KIF26B: variants seen among roughly 807,000 people sequenced by gnomAD.
The protein encoded by KIF26B is kinesin family member 26B.
A neutral mutation model predicts 151.2 loss-of-function variants in KIF26B; 63 were observed. That is an observed-to-expected ratio of 0.42 (90% CI 0.34 to 0.51). The LOEUF is 0.51. Among genes scored for constraint, KIF26B ranks in the 20% least tolerant of loss-of-function variants. The pLI is 0.07. For synonymous variants in KIF26B, 1,357 were observed against 1,262.1 expected (o/e 1.08, Z -1.59); for missense variants, 2,813 against 2,913.6 (o/e 0.97, Z 0.79).
rs1187521069 is a variant in KIF26B, at chr1:245,597,209, GT to G, written c.1351-5362del. 3.2e-4 allele frequency among the ~76,000 whole-genome samples: 49 copies of G among 152,320 alleles called. No individual in the cohort carries two copies. The highest frequency in any genetic ancestry group is 6.6e-4 in the Non-Finnish European group (45 of 68,030). ...GTTATTTTTCCCATTAGTCGATGCAGTTTTTTCATAGCATGAATGGTCTTTA... is the reference window on the plus strand; with the variant it reads ...GTTATTTTTCCCATTAGTCGATGCAGTTTTTCATAGCATGAATGGTCTTTA... On this transcript the variant is annotated intron_variant, in intron 5 of 14. Coordinates refer to ENST00000407071, the MANE Select transcript of KIF26B (RefSeq NM_018012.4). This position sits in a 1 kb window ranked among gnomAD's most constrained non-coding sequence, Gnocchi z 4.6.
intron 2 of KIF26B, among the ~76,000 whole-genome samples, chr1:245,336,077 AAAG>A (rs1221605104): frequency 7.7e-5 from 10 of 130,652 alleles, no homozygotes; most frequent in African/African-American, 3.0e-4. Context: ...CCACGCAGGG[AAAG>A]GAGGGTCCCA....
chr1:245,242,954 G>A (rs1010524882), intron 2 of KIF26B, among the ~76,000 whole-genome samples: 1 of 152,136 alleles, frequency 6.6e-6, no homozygotes, highest in Non-Finnish European at 1.5e-5. Context: ...CCAGCCATAT[G>A]TGGTTTATTT....
rs1420386685 is a variant in KIF26B at position 245,227,736 on chromosome 1, C to T, written c.465+71053C>T. Among the ~76,000 whole-genome samples, 2 of 151,866 alleles carry T rather than the reference C, an allele frequency of 1.3e-5. No homozygotes were observed. The highest frequency in any genetic ancestry group is 2.4e-5 in the African/African-American group (1 of 41,322). Reference sequence around the variant, plus strand: ...CACTCTGAGGCTGGGTGTGGTGGCTCACGCCTGTGATTCCAGCACTTTAGG... The same window carrying T: ...CACTCTGAGGCTGGGTGTGGTGGCTTACGCCTGTGATTCCAGCACTTTAGG... On this transcript the variant is annotated intron_variant, in intron 2 of 14. Transcript: ENST00000407071. The surrounding 1 kb of genome is among the most constrained non-coding windows in gnomAD (Gnocchi z 4.1).
intron 5 of KIF26B, among the ~76,000 whole-genome samples, chr1:245,595,627 T>A (rs907526745): frequency 6.6e-6 from 1 of 152,176 alleles, no homozygotes; most frequent in Non-Finnish European, 1.5e-5. Flanking sequence ...ATTTTCTTTT[T>A]TTGTTGTGTC....
chr1:245,576,021 T>G (rs1181475084), intron 5 of KIF26B, among the ~76,000 whole-genome samples: 1 of 152,178 alleles, frequency 6.6e-6, no homozygotes, highest in Non-Finnish European at 1.5e-5. Context: ...CAAAGGTTTT[T>G]AGAGTCAGGG....
At position 245,167,665 on chromosome 1, in the gene KIF26B, T is replaced by TAA. The variant is rs34757798; in HGVS notation, c.465+10992_465+10993dup. The stretch of plus-strand genomic sequence containing the variant: ...ACAACTGGAAGCAGCCACCATTGTT[T>TAA]AAAAAAAAAAATCACCTGCCCAGTT... On this transcript the variant is annotated intron_variant, in intron 2 of 14. Transcript: ENST00000407071. The surrounding 1 kb of genome is among the most constrained non-coding windows in gnomAD (Gnocchi z 4.2). Among the ~76,000 whole-genome samples the TAA allele has an allele frequency of 9.4e-5, 14 of 148,602 alleles. No homozygotes were observed. The highest frequency in any genetic ancestry group is 3.2e-4 in the African/African-American group (13 of 40,596).
intron 4 of KIF26B, among the ~76,000 whole-genome samples, chr1:245,444,667 A>G (rs1659207248): frequency 6.6e-6 from 1 of 152,200 alleles, no homozygotes; most frequent in South Asian, 2.1e-4. Context: ...GGGTTAGTTC[A>G]CGTTGTTTGA....
At position 245,564,909 on chromosome 1, in the gene KIF26B, C is replaced by T. The variant is rs898234616; in HGVS notation, c.1350+23959C>T. Among the ~76,000 whole-genome samples the T allele has an allele frequency of 3.9e-5, 6 of 152,144 alleles. No individual in the cohort carries two copies. The highest frequency in any genetic ancestry group is 1.3e-4 in the Admixed American group (2 of 15,284). ...GAATCTAATGCTGCTGCTGATCTGA[C>T]GGGAGGCAGAGTTCAAGTGGTAACG... On this transcript the variant is annotated intron_variant, in intron 5 of 14. Coordinates refer to ENST00000407071, the MANE Select transcript of KIF26B (RefSeq NM_018012.4). This position sits in a 1 kb window ranked among gnomAD's most constrained non-coding sequence, Gnocchi z 4.6.
chr1:245,365,513 T>TGCC (rs1672924976), intron 2 of KIF26B, among the ~76,000 whole-genome samples: 1 of 137,302 alleles, frequency 7.3e-6, no homozygotes, highest in African/African-American at 3.1e-5. Flanking sequence ...GCCTCACAAC[T>TGCC]CCCCCCCACC....
chr1:245,374,957 G>C (rs1263465049), intron 3 of KIF26B, among the ~76,000 whole-genome samples: 2 of 152,156 alleles, frequency 1.3e-5, no homozygotes, highest in East Asian at 3.9e-4. Flanking sequence ...GTGGTAGACT[G>C]AATAGGGGCC....
At chr1:245,498,822 G>A (rs145968543) in intron 4 of KIF26B, among the ~76,000 whole-genome samples, 67 of 152,306 alleles carry the variant, frequency 4.4e-4, no homozygotes, top group African/African-American at 1.6e-3. Context: ...GAGGCAACGA[G>A]GCTAGTCTCT....
At chr1:245,232,554 T>G (rs1462674654) in intron 2 of KIF26B, among the ~76,000 whole-genome samples, 2 of 151,162 alleles carry the variant, frequency 1.3e-5, no homozygotes, top group African/African-American at 2.4e-5. Context: ...TTCATTTGTT[T>G]TTTTTTTTTT....
chr1:245,220,028 G>A (rs956812442), intron 2 of KIF26B, among the ~76,000 whole-genome samples: 20 of 152,126 alleles, frequency 1.3e-4, no homozygotes, highest in Non-Finnish European at 2.6e-4. Flanking sequence ...AGGGGGCAGA[G>A]GTGAGAGCCC....
intron 4 of KIF26B, among the ~76,000 whole-genome samples, chr1:245,454,897 T>G (rs1372600048): frequency 6.6e-6 from 1 of 152,182 alleles, no homozygotes; most frequent in African/African-American, 2.4e-5. Context: ...ATATCTCATA[T>G]CCCCTCTGTA....
chr1:245,595,173 G>A (rs754284563), intron 5 of KIF26B, among the ~76,000 whole-genome samples: 73 of 152,156 alleles, frequency 4.8e-4, no homozygotes, highest in Non-Finnish European at 9.4e-4. Flanking sequence ...TTGCCTGATC[G>A]CCCTGGCCAG....
intron 3 of KIF26B, among the ~76,000 whole-genome samples, chr1:245,418,447 A>G (rs57952072): frequency 1.3e-5 from 2 of 152,364 alleles, no homozygotes; most frequent in East Asian, 1.9e-4. Context: ...AGTCAATGGG[A>G]TTCAGAGTAA....
intron 2 of KIF26B, among the ~76,000 whole-genome samples, chr1:245,249,336 T>C (rs1016549876): frequency 6.6e-6 from 1 of 152,026 alleles, no homozygotes; most frequent in African/African-American, 2.4e-5. Flanking sequence ...TCTGACCTTG[T>C]GATCCGCCCG....
intron 3 of KIF26B, among the ~76,000 whole-genome samples, chr1:245,403,348 G>A (rs955476047): frequency 6.6e-5 from 10 of 152,134 alleles, no homozygotes; most frequent in Non-Finnish European, 1.5e-4. Context: ...TTTCGGATGC[G>A]TTCCTTTAAG....
intron 4 of KIF26B, among the ~76,000 whole-genome samples, chr1:245,491,935 A>G (rs1448204299): frequency 6.6e-6 from 1 of 151,958 alleles, no homozygotes; most frequent in African/African-American, 2.4e-5. Flanking sequence ...GGTAAACTGA[A>G]TTCCGGGTCA....
Sources: gnomAD v4.1 joint callset for allele counts (sites outside exome capture counted in the v4.1 genomes callset) on GRCh38, gnomAD v4.1.1 for gene constraint, Gnocchi (gnomAD v3.1) non-coding constraint, MANE v1.5 for transcripts, NCBI Gene and HGNC (gene_info 2026-07-23, HGNC 2026-07-21) for gene names.